The following GRHL2 variants were observed in gnomAD, a reference collection of about 807,000 sequenced individuals.
GRHL2 encodes grainyhead like transcription factor 2, also known as grainyhead-like protein 2 homolog.
In GRHL2, 21 loss-of-function variants were observed where a neutral mutation model predicts 83.8. That is an observed-to-expected ratio of 0.25 (90% CI 0.18 to 0.36). The LOEUF is 0.36. Ranked by LOEUF, GRHL2 falls within the 10% of genes least tolerant of loss-of-function variation. The probability of loss-of-function intolerance (pLI) is 1.00; values close to 1 mark genes in which losing one functional copy is unlikely to be tolerated. For missense variants in GRHL2, 623 were observed against 781.8 expected (o/e 0.80, Z 2.42); for synonymous variants, 280 against 278.9 (o/e 1.00, Z -0.04).
chr8:101,548,183 A>T (rs1811304471), intron 2 of GRHL2, among the ~76,000 whole-genome samples: 1 of 152,088 alleles, frequency 6.6e-6, no homozygotes, highest in South Asian at 2.1e-4. Flanking sequence ...CCACCCACAC[A>T]CACACCCACC....
chr8:101,583,697 G>A (rs1812104973), intron 7 of GRHL2, among the ~76,000 whole-genome samples: 1 of 152,150 alleles, frequency 6.6e-6, no homozygotes, highest in Non-Finnish European at 1.5e-5. Flanking sequence ...AAGTTAACTA[G>A]ACTAGATATC....
At chr8:101,621,934 A>G (rs1265584977) in intron 9 of GRHL2, among the ~76,000 whole-genome samples, 2 of 152,166 alleles carry the variant, frequency 1.3e-5, no homozygotes, top group Non-Finnish European at 2.9e-5. Flanking sequence ...AGGAAAAAAA[A>G]GTAGGGGGAT....
intron 1 of GRHL2, among the ~76,000 whole-genome samples, chr8:101,513,783 A>G (rs1810514423): frequency 6.6e-6 from 1 of 152,080 alleles, no homozygotes; most frequent in African/African-American, 2.4e-5. Context: ...CACGTGAGCT[A>G]TCGCGCCTGG....
intron 13 of GRHL2, among the ~76,000 whole-genome samples, chr8:101,647,822 C>G (rs1414143717): frequency 6.6e-6 from 1 of 151,474 alleles, no homozygotes; most frequent in African/African-American, 2.4e-5. Context: ...CACATGCACC[C>G]GTGTAGACTT....
At chr8:101,656,940 C>T (rs1813803702) in intron 14 of GRHL2, among the ~76,000 whole-genome samples, 1 of 147,954 alleles carries the variant, frequency 6.8e-6, no homozygotes, top group Non-Finnish European at 1.5e-5. Context: ...GGTGGAGAGG[C>T]AGACTGTGTT....
intron 3 of GRHL2, among the ~76,000 whole-genome samples, chr8:101,553,592 G>GC (rs1811430608): frequency 6.7e-6 from 1 of 149,794 alleles, no homozygotes; most frequent in Non-Finnish European, 1.5e-5. Context: ...GAATCACCCT[G>GC]CTCAGCTACT....
At chr8:101,556,194 T>C (rs1333838820) in intron 3 of GRHL2, among the ~76,000 whole-genome samples, 2 of 152,130 alleles carry the variant, frequency 1.3e-5, no homozygotes, top group South Asian at 2.1e-4. Flanking sequence ...CGACCTCAGG[T>C]GATCCACCCA....
Position 101,543,299 on chromosome 8 carries a change from A to G in GRHL2, c.79A>G (p.Arg27Gly). The change falls in exon 2 of 16, where the codon AGA (arginine) becomes GGA (glycine). Residue 27 changes from arginine (R) to glycine (G), a missense_variant. Transcript: ENST00000646743. ...CAGTGACCCTCCATTCAATACCCGA[A>G]GAGCCTACACCAGTGAGGATGAAGC... ...MPSDPPFNTR[R>G]AYTSEDEAWK... 6.2e-7 allele frequency: 1 copy of G among 1,614,072 alleles called. No individual in the cohort carries two copies. Among genetic ancestry groups the G allele is most frequent in the Non-Finnish European group, 8.5e-7 (1 of 1,179,960 alleles).
chr8:101,577,792 T>TAAA (rs1318020291), intron 7 of GRHL2, among the ~76,000 whole-genome samples: 1 of 152,240 alleles, frequency 6.6e-6, no homozygotes, highest in African/African-American at 2.4e-5. Flanking sequence ...TTTCAATTCC[T>TAAA]AAAACGTGTT....
At chr8:101,529,681 G>A (rs147199577) in intron 1 of GRHL2, 1 of 155,068 alleles carries the variant, frequency 6.4e-6, no homozygotes, top group Non-Finnish European at 1.5e-5. Flanking sequence ...AACCTTTTTT[G>A]CTCATCTTGG....
intron 11 of GRHL2, among the ~76,000 whole-genome samples, chr8:101,634,543 G>C (rs543010586): frequency 6.6e-6 from 1 of 152,150 alleles, no homozygotes; most frequent in African/African-American, 2.4e-5. Flanking sequence ...CCCTTAAGTG[G>C]GTAGAAAGAG....
intron 9 of GRHL2, among the ~76,000 whole-genome samples, chr8:101,627,937 GA>G (rs1256784952): frequency 1.4e-4 from 21 of 152,262 alleles, no homozygotes; most frequent in East Asian, 7.7e-4. Context: ...GGAAGCTGCA[GA>G]AGAAAAGTTT....
chr8:101,495,597 ATATT>A (rs1810083501), intron 1 of GRHL2, among the ~76,000 whole-genome samples: 1 of 152,222 alleles, frequency 6.6e-6, no homozygotes, highest in African/African-American at 2.4e-5. Flanking sequence ...TGTATAAAAT[ATATT>A]TAGAGAACGT....
chr8:101,573,336 A>C (rs1813130034), intron 5 of GRHL2, among the ~76,000 whole-genome samples: 1 of 151,904 alleles, frequency 6.6e-6, no homozygotes, highest in African/African-American at 2.4e-5. Context: ...AAATTCTATT[A>C]ATTCTTAAGC....
downstream of GRHL2, among the ~76,000 whole-genome samples, chr8:101,672,722 G>A (rs536833783): frequency 8.1e-3 from 1,232 of 151,666 alleles, 17 homozygotes; most frequent in African/African-American, 0.027. Context: ...GATACTCCTC[G>A]AGAAGAGCAA....
intron 1 of GRHL2, among the ~76,000 whole-genome samples, chr8:101,533,607 A>G (rs1282457298): frequency 7.2e-5 from 11 of 152,210 alleles, no homozygotes; most frequent in Admixed American, 7.2e-4. Flanking sequence ...CTGTTATGGA[A>G]AAAAGAAAGA....
At chr8:101,535,289 ATG>A (rs139385570) in intron 1 of GRHL2, among the ~76,000 whole-genome samples, 91 of 150,934 alleles carry the variant, frequency 6.0e-4, no homozygotes, top group African/African-American at 1.8e-3. Flanking sequence ...ACTCAGGGAG[ATG>A]TGTGTGTGTG....
intron 14 of GRHL2, among the ~76,000 whole-genome samples, chr8:101,654,032 G>A (rs574409646): frequency 1.3e-5 from 2 of 152,322 alleles, no homozygotes; most frequent in South Asian, 2.1e-4. Flanking sequence ...AAACCAAGAC[G>A]TGGCCCTACA....
At chr8:101,612,104 C>T (rs1306616914) in intron 8 of GRHL2, among the ~76,000 whole-genome samples, 1 of 151,018 alleles carries the variant, frequency 6.6e-6, no homozygotes, top group Non-Finnish European at 1.5e-5. Context: ...ATTCTCCTGC[C>T]TCAGCCTCCC....
Sources: allele counts gnomAD v4.1 joint callset (sites outside exome capture counted in the v4.1 genomes callset), GRCh38; gene constraint gnomAD v4.1.1; transcripts MANE v1.5; gene names NCBI Gene and HGNC (gene_info 2026-07-23, HGNC 2026-07-21).